The following RAC1 variants were observed in gnomAD, a reference collection of about 807,000 sequenced individuals.
RAC1 encodes the protein Rac family small GTPase 1, also known as ras-related C3 botulinum toxin substrate 1.
RAC1 carries 2 observed loss-of-function variants against 25.2 expected under a neutral mutation model. That is an observed-to-expected ratio of 0.08 (90% CI 0.03 to 0.25). RAC1 has a LOEUF of 0.25. Among genes scored for constraint, RAC1 ranks in the 10% least tolerant of loss-of-function variants. The probability of loss-of-function intolerance (pLI) is 1.00; values close to 1 mark genes in which losing one functional copy is unlikely to be tolerated. For synonymous variants in RAC1, 88 were observed against 94.0 expected, an observed-to-expected ratio of 0.94 and a Z score of 0.37; for missense variants, 50 against 235.7, an observed-to-expected ratio of 0.21 and a Z score of 5.16.
intron 1 of RAC1, among the ~76,000 whole-genome samples, chr7:6,377,419 C>T (rs1782640528): frequency 6.6e-6 from 1 of 151,876 alleles, no homozygotes; most frequent in South Asian, 2.1e-4. Flanking sequence ...CATGGCGAGA[C>T]CCTGTCTCTG....
chr7:6,379,023 G>A (rs1388174936), intron 1 of RAC1, among the ~76,000 whole-genome samples: 2 of 152,178 alleles, frequency 1.3e-5, no homozygotes, highest in African/African-American at 4.8e-5. Flanking sequence ...CAAGGGAGGT[G>A]GAAGTTGCAG....
intron 1 of RAC1, among the ~76,000 whole-genome samples, chr7:6,379,661 T>C (rs1782709835): frequency 6.6e-6 from 1 of 152,236 alleles, no homozygotes; most frequent in African/African-American, 2.4e-5. Context: ...CTGCCCGCCT[T>C]GGCCTCCCAA....
At chr7:6,401,847 C>G in intron 4 of RAC1, 21 bp from the exon 5 acceptor site, 2 of 1,606,356 alleles carry the variant, frequency 1.2e-6, no homozygotes, top group South Asian at 1.1e-5. Context: ...GTCACAACCT[C>G]TGTTCCTTCT....
chr7:6,396,079 C>T (rs977969604), intron 3 of RAC1, among the ~76,000 whole-genome samples: 1 of 152,072 alleles, frequency 6.6e-6, no homozygotes, highest in Admixed American at 6.6e-5. Flanking sequence ...GAAGGCACCA[C>T]GTGTGTAACA....
intron 3 of RAC1, among the ~76,000 whole-genome samples, chr7:6,397,484 A>G (rs1783277476): frequency 6.6e-6 from 1 of 151,696 alleles, no homozygotes; most frequent in African/African-American, 2.4e-5. Flanking sequence ...TAGTAGACAC[A>G]GGGTTTCACC....
intron 2 of RAC1, among the ~76,000 whole-genome samples, chr7:6,388,960 G>T (rs1044068658): frequency 1.2e-4 from 18 of 152,136 alleles, no homozygotes; most frequent in Admixed American, 1.3e-4. Context: ...CAGCACTTTG[G>T]GAGGCCAAGA....
At chr7:6,377,905 T>G (rs540068161) in intron 1 of RAC1, among the ~76,000 whole-genome samples, 42 of 152,072 alleles carry the variant, frequency 2.8e-4, no homozygotes, top group African/African-American at 9.9e-4. Flanking sequence ...ACTGTCTTTT[T>G]TTGTTTGTTT....
chr7:6,386,495 C>T (rs1422094825), intron 1 of RAC1, among the ~76,000 whole-genome samples: 4 of 151,728 alleles, frequency 2.6e-5, no homozygotes, highest in Non-Finnish European at 5.9e-5. Flanking sequence ...ATTAAAATAC[C>T]TTTAGGCTGG....
At position 6,383,462 on chromosome 7, in the gene RAC1, AT is replaced by A. The variant is rs1260761065; in HGVS notation, c.36-3748del. On this transcript the variant is annotated intron_variant, in intron 1 of 5. Transcript: ENST00000348035. ...AAGAATTCTGTAGTTTAATAATCAT[AT>A]TCTTATAAGACATAGATTTGTAACA... 2.0e-5 allele frequency among the ~76,000 whole-genome samples: 3 copies of A among 152,338 alleles called. No individual in the cohort carries two copies. In the East Asian group the frequency reaches 5.8e-4, roughly 29 times the overall value.
intron 1 of RAC1, among the ~76,000 whole-genome samples, chr7:6,376,751 C>A (rs1400617908): frequency 6.9e-6 from 1 of 144,488 alleles, no homozygotes; most frequent in Non-Finnish European, 1.5e-5. Context: ...AAACTCCTGA[C>A]CCTCAAGTGA....
chr7:6,402,568 C>G lies in RAC1; in HGVS notation c.*122C>G. On this transcript the variant is annotated 3_prime_UTR_variant, in exon 6 of 6. Coordinates refer to ENST00000348035, the MANE Select transcript of RAC1 (RefSeq NM_006908.5). ...GTGGAGCCTTCGCACTCAATGCCAACTTTTTGTTACAGATTAATTTTTCCA... is the reference window on the plus strand; with the variant it reads ...GTGGAGCCTTCGCACTCAATGCCAAGTTTTTGTTACAGATTAATTTTTCCA... 1.1e-6 allele frequency: 1 copy of G among 929,770 alleles called. No homozygotes were observed. Among genetic ancestry groups the G allele is most frequent in the Non-Finnish European group, 1.4e-6 (1 of 708,696 alleles). The allele number at this position is 929,770 out of a possible 1,614,324, so 57.6% of individuals were successfully genotyped here.
chr7:6,375,132 T>TA, intron 1 of RAC1, among the ~76,000 whole-genome samples: 2 of 151,680 alleles, frequency 1.3e-5, no homozygotes, highest in Non-Finnish European at 3.0e-5. Flanking sequence ...GGACCCTTTA[T>TA]TTTTTTTGCA....
chr7:6,396,390 T>G (rs758556571), intron 3 of RAC1, among the ~76,000 whole-genome samples: 2 of 151,986 alleles, frequency 1.3e-5, no homozygotes, highest in African/African-American at 2.4e-5. Context: ...CCAGAAGCAC[T>G]AGACAGGGTT....
intron 1 of RAC1, among the ~76,000 whole-genome samples, chr7:6,384,526 T>C (rs964871599): frequency 6.6e-5 from 10 of 152,196 alleles, no homozygotes; most frequent in Non-Finnish European, 1.5e-5. Flanking sequence ...TCACCTAGGC[T>C]GGGTGGAGTG....
chr7:6,399,913 C>G, intron 3 of RAC1: 2 of 580,144 alleles, frequency 3.4e-6, no homozygotes, highest in East Asian at 5.7e-5. Context: ...CTTCATGCTC[C>G]CCATTTTCAT....
intron 4 of RAC1, among the ~76,000 whole-genome samples, 194 bp downstream of exon 4, chr7:6,400,382 TGTA>T (rs1310383462): frequency 2.0e-5 from 3 of 151,958 alleles, no homozygotes; most frequent in Admixed American, 2.0e-4. Flanking sequence ...AGGCTGGAGT[TGTA>T]GTGGTGACAT....
At chr7:6,374,995 C>A (rs1244858968) in intron 1 of RAC1, among the ~76,000 whole-genome samples, 2 of 151,866 alleles carry the variant, frequency 1.3e-5, no homozygotes, top group African/African-American at 4.8e-5. Context: ...AGGGCCTCGC[C>A]GCTCGCCGGC....
intron 1 of RAC1, among the ~76,000 whole-genome samples, chr7:6,378,747 C>T (rs17196595): frequency 0.18 from 26,596 of 151,974 alleles, 2,695 homozygotes; most frequent in Non-Finnish European, 0.23. Context: ...TTTTAACTTT[C>T]ACTTAGTGGA....
rs545584196 is a variant in RAC1 at position 6,377,735 on chromosome 7, C to T, written c.35+2965C>T. On this transcript the variant is annotated intron_variant, in intron 1 of 5. Transcript: ENST00000348035. ...TTTGAGACCAGTCTGGCCAATATGGCGAAACCTCGTCTCTACTAAAAATAG... is the reference window on the plus strand; with the variant it reads ...TTTGAGACCAGTCTGGCCAATATGGTGAAACCTCGTCTCTACTAAAAATAG... Among the ~76,000 whole-genome samples, 302 of 152,100 alleles carry T rather than the reference C, an allele frequency of 2.0e-3. 2 individuals carry two copies. Among genetic ancestry groups the T allele is most frequent in the African/African-American group, 7.0e-3 (289 of 41,492 alleles).
Sources: allele counts gnomAD v4.1 joint callset (sites outside exome capture counted in the v4.1 genomes callset), GRCh38; gene constraint gnomAD v4.1.1; transcripts MANE v1.5; gene names NCBI Gene and HGNC (gene_info 2026-07-23, HGNC 2026-07-21).